The following UNK variants were observed in gnomAD, a reference collection of about 807,000 sequenced individuals.
UNK encodes the protein unk zinc finger.
A neutral mutation model predicts 97.6 loss-of-function variants in UNK; 32 were observed. The observed-to-expected ratio is 0.33, with a 90% CI of 0.25 to 0.44. The LOEUF is 0.44. UNK is among the 20% of genes least tolerant of loss of function. UNK has a pLI of 1.00. For synonymous variants in UNK, 441 were observed against 461.2 expected (o/e 0.96, Z 0.56); for missense variants, 771 against 1,098.4 (o/e 0.70, Z 4.21).
At chr17:75,806,683 G>T (rs572542214) in intron 1 of UNK, among the ~76,000 whole-genome samples, 1 of 151,960 alleles carries the variant, frequency 6.6e-6, no homozygotes, top group Non-Finnish European at 1.5e-5. Context: ...TGAGGCAGGA[G>T]AATTGCTTGA....
chr17:75,820,832 C>T lies in UNK; in HGVS notation c.1837+724C>T, dbSNP rs1402763592. Among the ~76,000 whole-genome samples, 3 of 152,122 alleles carry T rather than the reference C, an allele frequency of 2.0e-5. No homozygotes were observed. In the East Asian group the frequency reaches 5.8e-4, roughly 29 times the overall value. Reference sequence around the variant, plus strand: ...AGCTGCAGACACCAGGAGCTCCCTCCCCGAGAGTGCCAGCATTTTGCTCGG... The same window carrying T: ...AGCTGCAGACACCAGGAGCTCCCTCTCCGAGAGTGCCAGCATTTTGCTCGG... On this transcript the variant is annotated intron_variant, in intron 13 of 15. Coordinates refer to ENST00000589666, the MANE Select transcript of UNK (RefSeq NM_001080419.3).
At chr17:75,802,119 A>G (rs2061865339) in intron 1 of UNK, among the ~76,000 whole-genome samples, 1 of 151,534 alleles carries the variant, frequency 6.6e-6, no homozygotes, top group African/African-American at 2.4e-5. Context: ...AAGGGCTGGG[A>G]TTACAGGAGT....
Position 75,815,160 on chromosome 17 carries a change from G to T in UNK, c.877-9G>T, listed in dbSNP as rs374091960. ...CCTGAGCCTGACTTGCCTGTGCTCT[G>T]CCCTCCAGATCTACAAGTCCACCAA... On this transcript the variant is annotated splice_polypyrimidine_tract_variant and intron_variant, in intron 6 of 15. Transcript: ENST00000589666. 2.4e-5 allele frequency: 39 copies of T among 1,611,816 alleles called. No homozygotes were observed. In the African/African-American group the frequency reaches 5.2e-4, roughly 21 times the overall value.
At position 75,822,668 on chromosome 17, in the gene UNK, C is replaced by T. The variant is rs761398057; in HGVS notation, c.2019+10C>T. The T allele has an allele frequency of 5.7e-6, 9 of 1,585,826 alleles. No homozygotes were observed. The highest frequency in any genetic ancestry group is 2.3e-5 in the South Asian group (2 of 88,006). On this transcript the variant is annotated intron_variant, in intron 14 of 15. Transcript: ENST00000589666. ...GAAGCAGGCCAAGCAGGTACCAGGC[C>T]CCGTGCCTGCCGGCCTTCCCCAGTG...
At chr17:75,786,863 A>T (rs931005540) in intron 1 of UNK, among the ~76,000 whole-genome samples, 3 of 152,108 alleles carry the variant, frequency 2.0e-5, no homozygotes, top group African/African-American at 7.2e-5. Context: ...GTCTCAAAAA[A>T]CAGAAACAAA....
intron 1 of UNK, chr17:75,792,105 C>T: frequency 1.6e-5 from 16 of 970,222 alleles, no homozygotes; most frequent in Non-Finnish European, 2.0e-5. Flanking sequence ...GCACAGCACA[C>T]ATCTGCAGGC....
intron 1 of UNK, chr17:75,792,170 G>C: frequency 1.1e-6 from 1 of 884,624 alleles, no homozygotes; most frequent in Non-Finnish European, 1.4e-6. Context: ...GAGACTCCAG[G>C]TCAAGAGTGA....
In UNK at chr17:75,788,182, C is replaced by CT. The variant is rs769976770; in HGVS notation, c.104+3212dup. 2.0e-3 allele frequency among the ~76,000 whole-genome samples: 278 copies of CT among 141,794 alleles called. 1 individual carries two copies. The highest frequency in any genetic ancestry group is 6.0e-3 in the South Asian group (27 of 4,476). The allele number at this position is 141,794 out of a possible 152,430, so 93.0% of individuals were successfully genotyped here. On this transcript the variant is annotated intron_variant, in intron 1 of 15. Coordinates refer to ENST00000589666, the MANE Select transcript of UNK (RefSeq NM_001080419.3). ...GTAAGTTTTTGCCTGTCAATTTTTT[C>CT]TTTTTTTTTTTTTTGGAGACAAAGT...
intron 1 of UNK, chr17:75,793,373 G>A: frequency 1.0e-6 from 1 of 971,316 alleles, no homozygotes; most frequent in Non-Finnish European, 1.2e-6. Context: ...ATTAGTTCAA[G>A]TAATCACAAC....
intron 1 of UNK, among the ~76,000 whole-genome samples, chr17:75,787,560 T>C (rs2061724339): frequency 1.3e-5 from 2 of 150,638 alleles, no homozygotes; most frequent in African/African-American, 4.9e-5. Context: ...GTGCGGTTGC[T>C]CACACCTGTA....
chr17:75,792,948 G>C (rs1223395171), intron 1 of UNK, among the ~76,000 whole-genome samples: 1 of 152,230 alleles, frequency 6.6e-6, no homozygotes, highest in Non-Finnish European at 1.5e-5. Context: ...GAAAGCCTGT[G>C]GTTTGCGCAA....
In UNK at chr17:75,823,321, G is replaced by A. The variant is rs367757938; in HGVS notation, c.2076G>A (p.Ala692=). ...AGGCTGGTGAGCGGGCCAGTGCGGC[G>A]GGCGCCGAGTGCGAGCTGGCCCGGG... ...AEEAGERASA[A]GAECELAREQ... is the part of the protein sequence containing the mutation. The change falls in exon 15 of 16, where the codon GCG becomes GCA. Residue 692 remains alanine (A), a synonymous_variant. Coordinates refer to ENST00000589666, the MANE Select transcript of UNK (RefSeq NM_001080419.3). 3.1e-4 allele frequency: 502 copies of A among 1,610,896 alleles called. 3 individuals carry two copies. The highest frequency in any genetic ancestry group is 2.9e-3 in the Middle Eastern group (17 of 5,838).
chr17:75,821,736 C>T (rs1196809550), intron 13 of UNK: 4 of 456,494 alleles, frequency 8.8e-6, no homozygotes, highest in East Asian at 6.9e-5. Context: ...GGGTCCTTCT[C>T]GGAAGCCCGG....
intron 1 of UNK, among the ~76,000 whole-genome samples, chr17:75,808,511 C>T (rs1218352845): frequency 6.6e-6 from 1 of 152,170 alleles, no homozygotes; most frequent in African/African-American, 2.4e-5. Context: ...TACTCTGTTT[C>T]TAAGCTCATA....
intron 1 of UNK, among the ~76,000 whole-genome samples, chr17:75,789,745 C>T (rs1480351808): frequency 1.3e-5 from 2 of 152,096 alleles, no homozygotes; most frequent in Non-Finnish European, 2.9e-5. Context: ...TTTATAAAAA[C>T]GTTTAAGAAT....
At chr17:75,793,348 C>G in intron 1 of UNK, 1 of 903,636 alleles carries the variant, frequency 1.1e-6, no homozygotes, top group Non-Finnish European at 1.3e-6. Context: ...AAAATGATAT[C>G]AATGGCTATA....
At chr17:75,799,998 A>G (rs1324366056) in intron 1 of UNK, among the ~76,000 whole-genome samples, 1 of 150,958 alleles carries the variant, frequency 6.6e-6, no homozygotes, top group African/African-American at 2.4e-5. Context: ...AGTGTAGAGC[A>G]GAGGTCAGCA....
intron 1 of UNK, among the ~76,000 whole-genome samples, chr17:75,809,379 T>C (rs1163226102): frequency 6.6e-6 from 1 of 152,204 alleles, no homozygotes; most frequent in African/African-American, 2.4e-5. Context: ...AGCAGAGGCC[T>C]GTAGAGTTTG....
At chr17:75,785,649 G>A (rs1236621121) in intron 1 of UNK, 1 of 152,220 alleles carries the variant, frequency 6.6e-6, no homozygotes, top group African/African-American at 2.4e-5. Flanking sequence ...ATTAGAGGGA[G>A]CCCCAAATAC....
Sources: allele counts gnomAD v4.1 joint callset (sites outside exome capture counted in the v4.1 genomes callset), GRCh38; gene constraint gnomAD v4.1.1; transcripts MANE v1.5; gene names NCBI Gene and HGNC (gene_info 2026-07-23, HGNC 2026-07-21).